The following LRRC1 variants were observed in gnomAD, a reference collection of about 807,000 sequenced individuals.
The protein encoded by LRRC1 is leucine-rich repeat-containing protein 1.
In LRRC1, 28 loss-of-function variants were observed where a neutral mutation model predicts 69.9. That is an observed-to-expected ratio of 0.40 (90% confidence interval 0.30 to 0.55). The LOEUF (loss-of-function observed/expected upper bound fraction) is 0.55, where lower values mean the gene tolerates loss of function less well. Among genes scored for constraint, LRRC1 ranks in the 20% least tolerant of loss-of-function variants. The pLI, the probability that LRRC1 is intolerant of heterozygous loss-of-function variation, is 0.47. For missense variants in LRRC1, 498 were observed against 609.0 expected (o/e 0.82, Z 1.92); for synonymous variants, 236 against 240.2 (o/e 0.98, Z 0.16).
In LRRC1 at chr6:53,896,719, A is replaced by G. The variant is rs1299868578; in HGVS notation, c.504-110A>G. The stretch of plus-strand genomic sequence containing the variant: ...TCCTTCCTGTGCAATATTTTCTACC[A>G]TAAAAATAAAAATGGACCTTATTTT... On this transcript the variant is annotated intron_variant, in intron 5 of 13. Transcript: ENST00000370888. 12 of 975,086 alleles carry G rather than the reference A, an allele frequency of 1.2e-5. No individual in the cohort carries two copies. The East Asian group carries it at 1.9e-4, about 16-fold the overall frequency. The allele number at this position is 975,086 out of a possible 1,614,324, so 60.4% of individuals were successfully genotyped here.
At chr6:53,841,972 C>A in intron 1 of LRRC1, 138 bp from the exon 2 acceptor site, 1 of 577,644 alleles carries the variant, frequency 1.7e-6, no homozygotes, top group Non-Finnish European at 3.1e-6. Context: ...AACTACAGTA[C>A]TGCCATCAAA....
chr6:53,835,569 A>G (rs942309552), intron 1 of LRRC1, among the ~76,000 whole-genome samples: 2 of 152,132 alleles, frequency 1.3e-5, no homozygotes, highest in African/African-American at 4.8e-5. Flanking sequence ...ACCCTTTCAA[A>G]CTCAAATTCT....
chr6:53,878,140 C>G (rs1767137158), intron 2 of LRRC1, among the ~76,000 whole-genome samples: 1 of 152,086 alleles, frequency 6.6e-6, no homozygotes, highest in African/African-American at 2.4e-5. Flanking sequence ...GTGAAACTTA[C>G]TATCATGAGA....
At chr6:53,827,307 C>CCA (rs1233733145) in intron 1 of LRRC1, among the ~76,000 whole-genome samples, 2 of 93,398 alleles carry the variant, frequency 2.1e-5, no homozygotes, top group Non-Finnish European at 4.5e-5. Context: ...ATAAACACTT[C>CCA]CACAAAAAAA....
intron 1 of LRRC1, among the ~76,000 whole-genome samples, chr6:53,815,502 G>A (rs115731858): frequency 0.02 from 3,080 of 152,124 alleles, 66 homozygotes; most frequent in South Asian, 0.029. Context: ...ACTTGCATAT[G>A]CACACACAGT....
intron 12 of LRRC1, 103 bp from the exon 13 acceptor site, chr6:53,920,522 C>A: frequency 7.7e-7 from 1 of 1,298,832 alleles, no homozygotes; most frequent in East Asian, 2.3e-5. Context: ...GTGTTCTACC[C>A]CTGGTCCTCC....
At chr6:53,833,924 G>T (rs1432497549) in intron 1 of LRRC1, among the ~76,000 whole-genome samples, 2 of 152,108 alleles carry the variant, frequency 1.3e-5, no homozygotes, top group Non-Finnish European at 2.9e-5. Context: ...TTAAGTATTT[G>T]TGATTCTCTG....
chr6:53,870,800 C>T (rs1250263631), intron 2 of LRRC1, among the ~76,000 whole-genome samples: 1 of 152,184 alleles, frequency 6.6e-6, no homozygotes, highest in Non-Finnish European at 1.5e-5. Flanking sequence ...CACCCCACTA[C>T]CCTTCCTAGG....
intron 1 of LRRC1, among the ~76,000 whole-genome samples, chr6:53,825,993 A>C (rs1436809310): frequency 6.6e-6 from 1 of 151,366 alleles, no homozygotes; most frequent in Non-Finnish European, 1.5e-5. Flanking sequence ...AAGATTTTTC[A>C]AGCAGAGGAA....
chr6:53,872,595 A>G (rs918582113), intron 2 of LRRC1, among the ~76,000 whole-genome samples: 17 of 151,510 alleles, frequency 1.1e-4, no homozygotes, highest in African/African-American at 4.1e-4. Context: ...TTTCTTTAGC[A>G]TTACTTTGGC....
intron 2 of LRRC1, among the ~76,000 whole-genome samples, chr6:53,846,425 T>C (rs1765946019): frequency 6.6e-6 from 1 of 152,224 alleles, no homozygotes; most frequent in African/African-American, 2.4e-5. Flanking sequence ...GGACCCTGGC[T>C]CGGAGCCCTG....
At chr6:53,922,515 C>T in intron 13 of LRRC1, 120 bp from the exon 14 acceptor site, 1 of 872,654 alleles carries the variant, frequency 1.1e-6, no homozygotes, top group South Asian at 2.2e-5. Flanking sequence ...GCTTTTCCAC[C>T]CATTTTAAGA....
At chr6:53,867,929 G>A (rs1766756277) in intron 2 of LRRC1, among the ~76,000 whole-genome samples, 1 of 150,976 alleles carries the variant, frequency 6.6e-6, no homozygotes, top group Admixed American at 6.6e-5. Flanking sequence ...TTCTAGCCTG[G>A]GCAACAAAAC....
Position 53,872,262 on chromosome 6 carries a change from A to T in LRRC1, c.278-6731A>T, listed in dbSNP as rs181187014. On this transcript the variant is annotated intron_variant, in intron 2 of 13. Coordinates refer to ENST00000370888, the MANE Select transcript of LRRC1 (RefSeq NM_018214.5). ...TGAGTGGATTTATTTCTGTTTTTTA[A>T]AAAAAATTTTTATTTCCGTAGGTTT... Among the ~76,000 whole-genome samples the T allele has an allele frequency of 1.9e-4, 29 of 152,124 alleles. No individual in the cohort carries two copies. In the East Asian group the frequency reaches 5.2e-3, roughly 27 times the overall value.
At chr6:53,821,242 C>T (rs904542317) in intron 1 of LRRC1, among the ~76,000 whole-genome samples, 2 of 152,148 alleles carry the variant, frequency 1.3e-5, no homozygotes, top group African/African-American at 4.8e-5. Flanking sequence ...AGCAACTTGC[C>T]TTGCTAGCAT....
In LRRC1 at chr6:53,922,989, G is replaced by A. The variant is rs1327920650; in HGVS notation, c.*196G>A. 10 of 473,476 alleles carry A rather than the reference G, an allele frequency of 2.1e-5. No homozygotes were observed. The highest frequency in any genetic ancestry group is 5.1e-5 in the South Asian group (1 of 19,540). The allele number at this position is 473,476 out of a possible 1,614,324, so 29.3% of individuals were successfully genotyped here. A position where few individuals can be genotyped will look rare whatever the true frequency, so the allele number is the denominator to read the frequency against. ...CCAGTCAGCGCACCAGTGGTCTCCC[G>A]GTGTGATTTTTTTTTTTTTTAATTT... On this transcript the variant is annotated 3_prime_UTR_variant, in exon 14 of 14. Coordinates refer to ENST00000370888, the MANE Select transcript of LRRC1 (RefSeq NM_018214.5).
At chr6:53,864,201 G>A (rs912609570) in intron 2 of LRRC1, among the ~76,000 whole-genome samples, 20 of 152,012 alleles carry the variant, frequency 1.3e-4, no homozygotes, top group Non-Finnish European at 2.9e-5. Flanking sequence ...GGACTACTCC[G>A]CAGTTCTCTT....
chr6:53,906,668 A>C (rs532856483), intron 10 of LRRC1, among the ~76,000 whole-genome samples: 1 of 152,224 alleles, frequency 6.6e-6, no homozygotes, highest in Non-Finnish European at 1.5e-5. Context: ...TGTTCACTAA[A>C]TTTACTAGAA....
intron 1 of LRRC1, among the ~76,000 whole-genome samples, chr6:53,830,127 G>A (rs945725836): frequency 2.0e-5 from 3 of 152,206 alleles, no homozygotes; most frequent in Non-Finnish European, 4.4e-5. Flanking sequence ...TGGCCTGCGG[G>A]CCACTACCCA....
Sources: allele counts gnomAD v4.1 joint callset (sites outside exome capture counted in the v4.1 genomes callset), GRCh38; gene constraint gnomAD v4.1.1; transcripts MANE v1.5; gene names NCBI Gene and HGNC (gene_info 2026-07-23, HGNC 2026-07-21).